CALY: variants seen among roughly 807,000 people sequenced by gnomAD.
The protein encoded by CALY is calcyon neuron specific vesicular protein, also known as neuron-specific vesicular protein calcyon.
In CALY, 15 loss-of-function variants were observed where a neutral mutation model predicts 20.2. The observed-to-expected ratio is 0.74, with a 90% CI of 0.50 to 1.14. CALY has a LOEUF of 1.14. CALY is among the 50% of genes most tolerant of loss of function. The probability of loss-of-function intolerance (pLI) is 0.00; values close to 1 mark genes in which losing one functional copy is unlikely to be tolerated. For missense variants in CALY, 270 were observed against 304.4 expected, an observed-to-expected ratio of 0.89 and a Z score of 0.84; for synonymous variants, 129 against 131.8, an observed-to-expected ratio of 0.98 and a Z score of 0.15.
At chr10:133,328,747 T>A in intron 2 of CALY, 108 bp downstream of exon 2, 1 of 1,236,400 alleles carries the variant, frequency 8.1e-7, no homozygotes, top group East Asian at 2.7e-5. Flanking sequence ...CTTCATCTGT[T>A]TGCTCTACTG....
At chr10:133,331,250 G>A (rs1162227118) in intron 1 of CALY, among the ~76,000 whole-genome samples, 1 of 152,190 alleles carries the variant, frequency 6.6e-6, no homozygotes, top group African/African-American at 2.4e-5. Context: ...GGTTCTACAA[G>A]TTATGGTGCT....
Position 133,332,751 on chromosome 10 carries a change from C to T in CALY, c.-20-3742G>A, listed in dbSNP as rs1315424759. On this transcript the variant is annotated intron_variant, in intron 1 of 5. Coordinates refer to ENST00000252939, the MANE Select transcript of CALY (RefSeq NM_015722.4). ...CTAAAATAAACTCGTCCTGAATCAG[C>T]GTGGGCCTTGACCCAAAACTGGTAT... Among the ~76,000 whole-genome samples the T allele has an allele frequency of 3.9e-5, 6 of 152,150 alleles. No homozygotes were observed. The East Asian group carries it at 9.6e-4, about 24-fold the overall frequency.
At position 133,326,044 on chromosome 10, in the gene CALY, G is replaced by A; in HGVS notation, c.437C>T (p.Ala146Val). The stretch of plus-strand genomic sequence containing the variant: ...GCTCAGCGGGTAGGCCCCGATGGCC[G>A]CCAGGATGCTGCGGTGGCGCTCGGG... Reference protein sequence around the residue: ...MDPERHRSILAAIGAYPLSRK... With the variant: ...MDPERHRSILVAIGAYPLSRK... Residue 146 changes from alanine to valine, a missense_variant, in exon 5 of 6, where the codon GCG (alanine) becomes GTG (valine). Coordinates refer to ENST00000252939, the MANE Select transcript of CALY (RefSeq NM_015722.4). 2 of 1,595,050 alleles carry A rather than the reference G, an allele frequency of 1.3e-6. No homozygotes were observed. The highest frequency in any genetic ancestry group is 2.3e-5 in the East Asian group (1 of 43,790).
At chr10:133,330,514 C>T (rs1405198311) in intron 1 of CALY, among the ~76,000 whole-genome samples, 1 of 147,148 alleles carries the variant, frequency 6.8e-6, no homozygotes, top group Non-Finnish European at 1.5e-5. Flanking sequence ...AAAAATTAGC[C>T]GGGCGCGGTG....
chr10:133,326,395 C>T (rs996782633), intron 4 of CALY: 1 of 818,694 alleles, frequency 1.2e-6, no homozygotes, highest in African/African-American at 1.7e-5. Context: ...GGAGCGCGCT[C>T]CAGAGCATAA....
intron 1 of CALY, among the ~76,000 whole-genome samples, chr10:133,331,342 C>T (rs919597753): frequency 3.9e-5 from 6 of 152,186 alleles, no homozygotes; most frequent in Non-Finnish European, 7.3e-5. Context: ...CTGATTGATT[C>T]ACCCATGAAA....
At chr10:133,336,626 G>C (rs1211078592) in intron 1 of CALY, among the ~76,000 whole-genome samples, 1 of 152,188 alleles carries the variant, frequency 6.6e-6, no homozygotes, top group East Asian at 1.9e-4. Context: ...CCCGAGGGAG[G>C]AGGGCGGCCG....
Position 133,326,939 on chromosome 10 carries a change from A to G in CALY, c.299T>C (p.Leu100Pro), listed in dbSNP as rs1848223929. Reference protein sequence around the residue: ...AFAMALLGCVLIMYKAIWYDQ... With the variant: ...AFAMALLGCVPIMYKAIWYDQ... ...GTACCAGATGGCCTTGTACATGATC[A>G]GCACGCAGCCCAGTAGCGCCATGGC... is the stretch of plus-strand genomic sequence containing the variant. The change falls in exon 4 of 6, where the codon CTG becomes CCG. Residue 100 changes from leucine to proline, a missense_variant. Transcript: ENST00000252939. 2 of 1,611,242 alleles carry G rather than the reference A, an allele frequency of 1.2e-6. No homozygotes were observed. Among genetic ancestry groups the G allele is most frequent in the Non-Finnish European group, 1.7e-6 (2 of 1,179,544 alleles).
chr10:133,328,732 TGG>T (rs777781199), intron 2 of CALY, 121 bp downstream of exon 2: 2 of 1,113,606 alleles, frequency 1.8e-6, no homozygotes. Flanking sequence ...TTGGCCCCCA[TGG>T]CCCTTCATCT....
At chr10:133,327,432 G>C (rs1848232617) in intron 3 of CALY, 1 of 516,280 alleles carries the variant, frequency 1.9e-6, no homozygotes, top group African/African-American at 1.9e-5. Flanking sequence ...GGGGCGGGGA[G>C]CCCTAGCAGA....
chr10:133,330,845 C>G (rs900274534), intron 1 of CALY, among the ~76,000 whole-genome samples: 1 of 151,650 alleles, frequency 6.6e-6, no homozygotes, highest in African/African-American at 2.4e-5. Context: ...GTCCCTAACC[C>G]AGCAAGGACA....
intron 2 of CALY, 137 bp downstream of exon 2, chr10:133,328,718 G>A: frequency 9.9e-7 from 1 of 1,006,524 alleles, no homozygotes; most frequent in Non-Finnish European, 1.4e-6. Flanking sequence ...GGCCAGCTGG[G>A]GCTTTGGCCC....
intron 1 of CALY, among the ~76,000 whole-genome samples, chr10:133,336,168 C>G (rs1033157627): frequency 1.3e-5 from 2 of 152,170 alleles, no homozygotes; most frequent in African/African-American, 2.4e-5. Flanking sequence ...GTGGCTGCCC[C>G]GCTTATTAAA....
At chr10:133,330,825 C>G (rs112109427) in intron 1 of CALY, among the ~76,000 whole-genome samples, 1 of 151,572 alleles carries the variant, frequency 6.6e-6, no homozygotes, top group Non-Finnish European at 1.5e-5. Context: ...CTGAGGCCAA[C>G]GTAGCCTCAG....
chr10:133,333,558 G>C (rs56024355), intron 1 of CALY, among the ~76,000 whole-genome samples: 6,567 of 150,354 alleles, frequency 0.044, 243 homozygotes, highest in Non-Finnish European at 0.065. Flanking sequence ...CTTGGGGAAC[G>C]ATCCAAGTGG....
At chr10:133,336,200 G>C (rs182862779) in intron 1 of CALY, among the ~76,000 whole-genome samples, 262 of 152,272 alleles carry the variant, frequency 1.7e-3, no homozygotes, top group African/African-American at 6.1e-3. Flanking sequence ...CTGCGGGGTC[G>C]GCGCAGCCCC....
intron 1 of CALY, among the ~76,000 whole-genome samples, chr10:133,335,622 CA>C (rs1848426854): frequency 6.6e-6 from 1 of 152,194 alleles, no homozygotes; most frequent in African/African-American, 2.4e-5. Context: ...GTGTGGGGTC[CA>C]ACCCCCCCAC....
In CALY at chr10:133,324,969, T is replaced by C. The variant is rs1386178773; in HGVS notation, c.*626A>G. 1 of 192,208 alleles carries C rather than the reference T, an allele frequency of 5.2e-6. No individual in the cohort carries two copies. The highest frequency in any genetic ancestry group is 2.4e-5 in the African/African-American group (1 of 41,732). 11.9% of individuals were successfully genotyped at this position (192,208 alleles called of 1,614,324 possible). On this transcript the variant is annotated 3_prime_UTR_variant, in exon 6 of 6. Transcript: ENST00000252939. ...ACTCCTTTCTTCACTTGGTCATTTA[T>C]GCCTGTGGGCCACACATCTAGGAGG...
intron 1 of CALY, 81 bp from the exon 2 acceptor site, chr10:133,329,090 CT>C: frequency 1.6e-6 from 2 of 1,243,440 alleles, no homozygotes; most frequent in Non-Finnish European, 2.2e-6. Context: ...CCAGAGGACC[CT>C]GAGCTGGGCC....
Sources: allele counts gnomAD v4.1 joint callset (sites outside exome capture counted in the v4.1 genomes callset), GRCh38; gene constraint gnomAD v4.1.1; transcripts MANE v1.5; gene names NCBI Gene and HGNC (gene_info 2026-07-23, HGNC 2026-07-21).